ATAT1: variants seen among roughly 807,000 people sequenced by gnomAD.
ATAT1 encodes alpha-tubulin N-acetyltransferase 1.
A neutral mutation model predicts 57.2 loss-of-function variants in ATAT1; 42 were observed. That is an observed-to-expected ratio of 0.73 (90% CI 0.57 to 0.95). ATAT1 has a LOEUF of 0.95. Ranked by LOEUF, ATAT1 falls within the 40% of genes least tolerant of loss-of-function variation. ATAT1 has a pLI of 0.00. For missense variants in ATAT1, 454 were observed against 523.7 expected (o/e 0.87, Z 1.30); for synonymous variants, 168 against 187.1 (o/e 0.90, Z 0.83).
In ATAT1 at chr6:30,640,565, G is replaced by T. The variant is rs748992480; in HGVS notation, c.578G>T (p.Arg193Leu). 1 of 1,612,812 alleles carries T rather than the reference G, an allele frequency of 6.2e-7. No individual in the cohort carries two copies. The highest frequency in any genetic ancestry group is 8.5e-7 in the Non-Finnish European group (1 of 1,180,012). ...CCTGCTCCCTCTCTGAGGGCAACTC[G>T]ACACTCTCGTGCTGCTGCAGTCGAT... The change falls in exon 8 of 13, where the codon CGA becomes CTA. Residue 193 changes from arginine (R) to leucine (L), a missense_variant. Coordinates refer to ENST00000330083, the MANE Select transcript of ATAT1 (RefSeq NM_001031722.4).
At position 30,638,034 on chromosome 6, in the gene ATAT1, T is replaced by C. The variant is rs563071671; in HGVS notation, c.502-2343T>C. ...TTGGGACTACAGGCGCCCACCACTA[T>C]GGCTGGCTGATTTTTTGTATTTTTA... On this transcript the variant is annotated intron_variant, in intron 6 of 12. Coordinates refer to ENST00000330083, the MANE Select transcript of ATAT1 (RefSeq NM_001031722.4). 1.4e-4 allele frequency among the ~76,000 whole-genome samples: 21 copies of C among 152,058 alleles called. No individual in the cohort carries two copies. The East Asian group carries it at 4.1e-3, about 30-fold the overall frequency.
intron 6 of ATAT1, among the ~76,000 whole-genome samples, chr6:30,637,071 G>A (rs912845776): frequency 2.0e-5 from 3 of 152,072 alleles, no homozygotes; most frequent in South Asian, 2.1e-4. Flanking sequence ...AAAGTGCTAC[G>A]ATTACAGCCG....
chr6:30,642,130 G>C (rs778618154), intron 8 of ATAT1, 46 bp from the exon 9 acceptor site: 1 of 1,613,390 alleles, frequency 6.2e-7, no homozygotes, highest in Non-Finnish European at 8.5e-7. Flanking sequence ...GGGGTGCAAA[G>C]TATGTCTCCT....
Position 30,638,441 on chromosome 6 carries a change from C to T in ATAT1, c.502-1936C>T, listed in dbSNP as rs564617658. ...CTGAGTAGCTAGGATTACAGGCGCACGTCACCACACCCAGCTAATTTTTGT... is the reference window on the plus strand; with the variant it reads ...CTGAGTAGCTAGGATTACAGGCGCATGTCACCACACCCAGCTAATTTTTGT... On this transcript the variant is annotated intron_variant, in intron 6 of 12. Coordinates refer to ENST00000330083, the MANE Select transcript of ATAT1 (RefSeq NM_001031722.4). Among the ~76,000 whole-genome samples the T allele has an allele frequency of 1.2e-4, 19 of 152,046 alleles. No homozygotes were observed. In the South Asian group the frequency reaches 1.5e-3, roughly 12 times the overall value.
chr6:30,635,586 CT>C (rs1337204413), intron 6 of ATAT1, among the ~76,000 whole-genome samples: 1 of 145,310 alleles, frequency 6.9e-6, no homozygotes, highest in African/African-American at 2.5e-5. Context: ...GAAACTCCAT[CT>C]CAAAAAAAAA....
intron 6 of ATAT1, among the ~76,000 whole-genome samples, chr6:30,634,967 A>T (rs1436625277): frequency 1.3e-5 from 2 of 152,062 alleles, no homozygotes; most frequent in African/African-American, 4.8e-5. Context: ...CAGCCTGGGC[A>T]ACAGAGCGAG....
At chr6:30,646,259 C>T in intron 12 of ATAT1, 150 bp downstream of exon 12, 1 of 1,460,396 alleles carries the variant, frequency 6.8e-7, no homozygotes, top group South Asian at 1.4e-5. Context: ...ATCCTGCAAG[C>T]CCCTTTCCCC....
At position 30,642,832 on chromosome 6, in the gene ATAT1, A is replaced by ACTC; in HGVS notation, c.753_754insCTC (p.Pro251_Ala252insLeu). On this transcript the variant is annotated inframe_insertion, in exon 10 of 13. Transcript: ENST00000330083. The stretch of plus-strand genomic sequence containing the variant: ...GGGCCCCTCGCCGCGCCACACCTCC[A>ACTC]GCCCACCCACCCCCCCGCTCCAGCA... 8.1e-7 allele frequency: 1 copy of ACTC among 1,230,748 alleles called. No individual in the cohort carries two copies. The highest frequency in any genetic ancestry group is 1.1e-6 in the Non-Finnish European group (1 of 892,690). 76.2% of individuals were successfully genotyped at this position (1,230,748 alleles called of 1,614,324 possible). A position where few individuals can be genotyped will look rare whatever the true frequency, so the allele number is the denominator to read the frequency against.
chr6:30,626,965 G>T lies in ATAT1; in HGVS notation c.-239G>T. On this transcript the variant is annotated 5_prime_UTR_variant, in exon 1 of 13. Coordinates refer to ENST00000330083, the MANE Select transcript of ATAT1 (RefSeq NM_001031722.4). The stretch of plus-strand genomic sequence containing the variant: ...GACCAGCACCTGAGGCCCCCAGCCC[G>T]CCGACCCGGAACCACAACGCCGGCC... The T allele has an allele frequency of 6.2e-7, 1 of 1,604,098 alleles. No homozygotes were observed.
At chr6:30,640,838 A>G in intron 8 of ATAT1, 1 of 587,850 alleles carries the variant, frequency 1.7e-6, no homozygotes. Context: ...ATATCAATGG[A>G]CCCTCTTGCC....
chr6:30,644,120 A>C, intron 10 of ATAT1: 1 of 986,220 alleles, frequency 1.0e-6, no homozygotes, highest in Non-Finnish European at 1.2e-6. Context: ...AGCTTCCCAA[A>C]GGGATCTACT....
chr6:30,641,993 T>C (rs1765548732), intron 8 of ATAT1, 183 bp from the exon 9 acceptor site: 1 of 1,465,602 alleles, frequency 6.8e-7, no homozygotes, highest in Non-Finnish European at 9.0e-7. Context: ...TCAACAGTGT[T>C]CCACATTCCC....
chr6:30,627,209 G>A lies in ATAT1; in HGVS notation c.6G>A (p.Trp2Ter). Residue 2 changes from tryptophan to a stop codon, truncating the protein, a stop_gained, in exon 1 of 13, where the codon TGG becomes TGA. Coordinates refer to ENST00000330083, the MANE Select transcript of ATAT1 (RefSeq NM_001031722.4). LOFTEE classifies it high-confidence loss of function. ...CAAAATGTCCCAATCAAAGGATGTG[G>A]TTGACCTGGCCTTTCTGCTTCCTCA... 1.2e-6 allele frequency: 2 copies of A among 1,613,998 alleles called. No individual in the cohort carries two copies. Among genetic ancestry groups the A allele is most frequent in the South Asian group, 1.1e-5 (1 of 91,084 alleles).
At chr6:30,646,334 A>ATAGCAC in intron 12 of ATAT1, 135 bp from the exon 13 acceptor site, 5 of 1,447,020 alleles carry the variant, frequency 3.5e-6, no homozygotes, top group Non-Finnish European at 4.6e-6. Flanking sequence ...AAATTTGGAC[A>ATAGCAC]TAGCACTAAT....
At chr6:30,628,219 T>C in intron 5 of ATAT1, 74 bp downstream of exon 5, 1 of 1,535,288 alleles carries the variant, frequency 6.5e-7, no homozygotes, top group Non-Finnish European at 9.0e-7. Context: ...AAGCCCTGCC[T>C]CCCACCCCCC....
chr6:30,631,047 G>A (rs1321872245), intron 6 of ATAT1, among the ~76,000 whole-genome samples: 1 of 152,116 alleles, frequency 6.6e-6, no homozygotes, highest in African/African-American at 2.4e-5. Context: ...AAACAATATG[G>A]TTAATAAGTG....
At chr6:30,640,732 T>C in intron 8 of ATAT1, 129 bp downstream of exon 8, 1 of 1,063,110 alleles carries the variant, frequency 9.4e-7, no homozygotes, top group Non-Finnish European at 1.4e-6. Flanking sequence ...CCAGCAGTCA[T>C]GACTGTTTGC....
chr6:30,637,470 A>C (rs893621807), intron 6 of ATAT1, among the ~76,000 whole-genome samples: 5 of 151,692 alleles, frequency 3.3e-5, no homozygotes, highest in African/African-American at 1.2e-4. Context: ...TCCTAGGCTC[A>C]AGAGATCTTC....
Position 30,645,877 on chromosome 6 carries a change from C to T in ATAT1, c.933-18C>T, listed in dbSNP as rs990690934. On this transcript the variant is annotated intron_variant, in intron 10 of 12. Coordinates refer to ENST00000330083, the MANE Select transcript of ATAT1 (RefSeq NM_001031722.4). Reference sequence around the variant, plus strand: ...CATCCAGTAGCCTCCTCCCCATCATCTCCCATTTCTTCTACAGGGGGACTC... The same window carrying T: ...CATCCAGTAGCCTCCTCCCCATCATTTCCCATTTCTTCTACAGGGGGACTC... 11 of 1,465,154 alleles carry T rather than the reference C, an allele frequency of 7.5e-6. No individual in the cohort carries two copies. In the African/African-American group the frequency reaches 1.3e-4, roughly 17 times the overall value. The allele number at this position is 1,465,154 out of a possible 1,614,324, so 90.8% of individuals were successfully genotyped here.
Sources: allele counts gnomAD v4.1 joint callset (sites outside exome capture counted in the v4.1 genomes callset), GRCh38; gene constraint gnomAD v4.1.1; transcripts MANE v1.5; gene names NCBI Gene and HGNC (gene_info 2026-07-23, HGNC 2026-07-21).